Variants in ZNF292 observed in about 807,000 individuals in gnomAD.
The protein encoded by ZNF292 is 16 zinc-finger domain protein.
ZNF292 carries 26 observed loss-of-function variants against 217.9 expected under a neutral mutation model. The observed-to-expected ratio is 0.12, with a 90% CI of 0.09 to 0.17. ZNF292 has a LOEUF of 0.17. Among genes scored for constraint, ZNF292 ranks in the 10% least tolerant of loss-of-function variants. The pLI is 1.00. For synonymous variants in ZNF292, 1,257 were observed against 1,124.1 expected, an observed-to-expected ratio of 1.12 and a Z score of -2.37; for missense variants, 2,904 against 3,175.2, an observed-to-expected ratio of 0.91 and a Z score of 2.05.
At chr6:87,216,420 G>A (rs888976861) in intron 3 of ZNF292, 43 bp downstream of exon 3, 3 of 1,412,098 alleles carry the variant, frequency 2.1e-6, no homozygotes, top group Non-Finnish European at 2.9e-6. Flanking sequence ...TATATCTTAT[G>A]TCAGTTTTCC....
intron 1 of ZNF292, among the ~76,000 whole-genome samples, chr6:87,168,974 A>G (rs965628242): frequency 3.3e-5 from 5 of 152,152 alleles, no homozygotes; most frequent in Admixed American, 6.6e-5. Context: ...CTATGTAAAT[A>G]GTTGTTATAC....
intron 7 of ZNF292, among the ~76,000 whole-genome samples, chr6:87,250,478 A>C (rs1774870464): frequency 6.6e-6 from 1 of 152,166 alleles, no homozygotes; most frequent in Non-Finnish European, 1.5e-5. Context: ...AATTCTATAG[A>C]GTTCCAAAAA....
intron 4 of ZNF292, chr6:87,222,852 C>T (rs1773157454): frequency 2.2e-6 from 1 of 452,286 alleles, no homozygotes; most frequent in African/African-American, 2.0e-5. Context: ...TCAGACTTTC[C>T]TTGTTTTTGA....
intron 1 of ZNF292, among the ~76,000 whole-genome samples, chr6:87,202,447 T>G (rs968098569): frequency 3.9e-5 from 6 of 152,256 alleles, no homozygotes; most frequent in South Asian, 2.1e-4. Context: ...GTGCATTGTC[T>G]GCAATGGTGA....
chr6:87,218,753 A>G, intron 4 of ZNF292, 22 bp downstream of exon 4: 3 of 1,546,908 alleles, frequency 1.9e-6, no homozygotes, highest in Non-Finnish European at 2.6e-6. Context: ...AGAGACAGAG[A>G]AAAAAAAGAA....
At chr6:87,220,677 T>C (rs1373958351) in intron 4 of ZNF292, among the ~76,000 whole-genome samples, 1 of 152,252 alleles carries the variant, frequency 6.6e-6, no homozygotes, top group Non-Finnish European at 1.5e-5. Flanking sequence ...TCAACTTTAT[T>C]TGAAAAGATA....
Position 87,256,806 on chromosome 6 carries a change from T to C in ZNF292, c.3177T>C (p.Asn1059=), listed in dbSNP as rs143504993. Residue 1059 remains asparagine, a synonymous_variant, in exon 8 of 8, where the codon AAT becomes AAC. Coordinates refer to ENST00000369577, the MANE Select transcript of ZNF292 (RefSeq NM_015021.3). ...GAGATAATGTTAAAACATCATCCAA[T>C]CTTTATAATTTACCTCTTAAGACAT... ...ECGDNVKTSS[N]LYNLPLKTLE... 6.7e-3 allele frequency: 10,761 copies of C among 1,613,528 alleles called. 49 individuals carry two copies. Among genetic ancestry groups the C allele is most frequent in the Non-Finnish European group, 8.3e-3 (9,783 of 1,179,814 alleles).
chr6:87,247,652 G>A (rs1774672160), intron 7 of ZNF292, among the ~76,000 whole-genome samples: 1 of 152,098 alleles, frequency 6.6e-6, no homozygotes, highest in Admixed American at 6.6e-5. Flanking sequence ...GTCTCATAAA[G>A]CCCTGCTTTA....
Position 87,259,021 on chromosome 6 carries a change from G to C in ZNF292, c.5392G>C (p.Val1798Leu). ...AAATTATAACATTCAGCTTCCTTCA[G>C]TAAACACTGTGCAAAATAACAAATT... ...QINYNIQLPS[V>L]NTVQNNKLPD... Residue 1798 changes from valine (V) to leucine (L), a missense_variant, in exon 8 of 8, where the codon GTA becomes CTA. Val to Leu is a conservative substitution (Grantham distance 32). Coordinates refer to ENST00000369577, the MANE Select transcript of ZNF292 (RefSeq NM_015021.3). 6.2e-7 allele frequency: 1 copy of C among 1,613,522 alleles called. No homozygotes were observed. The highest frequency in any genetic ancestry group is 1.1e-5 in the South Asian group (1 of 91,068).
intron 1 of ZNF292, among the ~76,000 whole-genome samples, chr6:87,189,220 A>T (rs1324559804): frequency 6.6e-6 from 1 of 152,034 alleles, no homozygotes; most frequent in African/African-American, 2.4e-5. Context: ...TAAATAAATA[A>T]AAATAAATAA....
chr6:87,240,864 T>C (rs1184014067), intron 5 of ZNF292, among the ~76,000 whole-genome samples: 8 of 152,258 alleles, frequency 5.3e-5, no homozygotes. Flanking sequence ...TTAGTATTCC[T>C]GTGCAGGTGG....
In ZNF292 at chr6:87,259,631, G is replaced by A. The variant is rs1256350761; in HGVS notation, c.6002G>A (p.Arg2001Gln). The change falls in exon 8 of 8, where the codon CGA (arginine) becomes CAA (glutamine). Residue 2001 changes from arginine to glutamine, a missense_variant. Around this residue, in one of 15 missense-constraint regions of ZNF292, gnomAD observed 261 missense variants for 272.8 expected, o/e 0.96. Transcript: ENST00000369577. ...CAGAGTGAAAATGTGCCGGCCTCAC[G>A]AAGTACACAAGTGAAAAAACAGCTA... The part of the protein sequence containing the change: ...KSQSENVPAS[R>Q]STQVKKQLAM... 9 of 1,583,592 alleles carry A rather than the reference G, an allele frequency of 5.7e-6. No individual in the cohort carries two copies. The highest frequency in any genetic ancestry group is 4.0e-5 in the African/African-American group (3 of 74,160).
At chr6:87,157,185 A>G (rs975801966) in intron 1 of ZNF292, among the ~76,000 whole-genome samples, 1 of 149,332 alleles carries the variant, frequency 6.7e-6, no homozygotes, top group Non-Finnish European at 1.5e-5. Flanking sequence ...AATCTTAAAA[A>G]CAAAAACTGT....
intron 4 of ZNF292, among the ~76,000 whole-genome samples, chr6:87,219,137 G>C (rs1772944240): frequency 6.6e-6 from 1 of 152,084 alleles, no homozygotes; most frequent in African/African-American, 2.4e-5. Context: ...AGATTAAAAT[G>C]CTTTCTCAGT....
rs1291196758 is a variant in ZNF292 at position 87,264,772 on chromosome 6, G to T, written c.*2971G>T. On this transcript the variant is annotated 3_prime_UTR_variant, in exon 8 of 8. Coordinates refer to ENST00000369577, the MANE Select transcript of ZNF292 (RefSeq NM_015021.3). ...TATGCTGTATTAAGTCTTTATTTTGGTTTTTGAAAATTGTTATTGGATGCA... is the reference window on the plus strand; with the variant it reads ...TATGCTGTATTAAGTCTTTATTTTGTTTTTTGAAAATTGTTATTGGATGCA... Among the ~76,000 whole-genome samples, 7 of 152,092 alleles carry T rather than the reference G, an allele frequency of 4.6e-5. No individual in the cohort carries two copies. Among genetic ancestry groups the T allele is most frequent in the Admixed American group, 2.6e-4 (4 of 15,246 alleles).
At chr6:87,167,449 T>C (rs1770954751) in intron 1 of ZNF292, among the ~76,000 whole-genome samples, 1 of 152,216 alleles carries the variant, frequency 6.6e-6, no homozygotes, top group African/African-American at 2.4e-5. Context: ...GAGACCCACC[T>C]GACCAACATG....
chr6:87,228,201 G>A lies in ZNF292; in HGVS notation c.539-5124G>A, dbSNP rs148913015. The stretch of plus-strand genomic sequence containing the variant: ...GTTCTCTGATGATTTTTGATGTTTC[G>A]TATGCTTGTTGGCCATTCGTATGTT... On this transcript the variant is annotated intron_variant, in intron 4 of 7. Coordinates refer to ENST00000369577, the MANE Select transcript of ZNF292 (RefSeq NM_015021.3). Among the ~76,000 whole-genome samples the A allele has an allele frequency of 4.8e-3, 730 of 152,024 alleles. 2 individuals are homozygous for A. The highest frequency in any genetic ancestry group is 0.015 in the African/African-American group (640 of 41,470).
chr6:87,228,863 A>G (rs1773507317), intron 4 of ZNF292, among the ~76,000 whole-genome samples: 1 of 152,122 alleles, frequency 6.6e-6, no homozygotes, highest in South Asian at 2.1e-4. Context: ...GAAGTGTGAG[A>G]CCTTCAACTT....
At chr6:87,180,690 A>ACT (rs397829595) in intron 1 of ZNF292, among the ~76,000 whole-genome samples, 6 of 151,578 alleles carry the variant, frequency 4.0e-5, no homozygotes, top group African/African-American at 1.5e-4. Flanking sequence ...CAGCAACCAC[A>ACT]GGGAGAACTA....
Sources: gnomAD v4.1 joint callset for allele counts (sites outside exome capture counted in the v4.1 genomes callset) on GRCh38, gnomAD v4.1.1 for gene constraint, gnomAD v4.1.1 regional missense constraint, MANE v1.5 for transcripts, NCBI Gene and HGNC (gene_info 2026-07-23, HGNC 2026-07-21) for gene names.